The following ATP8B4 variants were observed in gnomAD, a reference collection of about 807,000 sequenced individuals.
The protein encoded by ATP8B4 is ATPase phospholipid transporting 8B4 (putative).
ATP8B4 carries 133 observed loss-of-function variants against 145.6 expected under a neutral mutation model. That is an observed-to-expected ratio of 0.91 (90% CI 0.79 to 1.05). The LOEUF is 1.05. Among genes scored for constraint, ATP8B4 ranks in the 50% least tolerant of loss-of-function variants. The pLI, the probability that ATP8B4 is intolerant of heterozygous loss-of-function variation, is 0.00. For missense variants in ATP8B4, 1,458 were observed against 1,425.2 expected (o/e 1.02, Z -0.37); for synonymous variants, 507 against 492.9 (o/e 1.03, Z -0.38).
intron 23 of ATP8B4, among the ~76,000 whole-genome samples, chr15:49,886,811 A>AT (rs200775433): frequency 0.042 from 6,067 of 144,576 alleles, 170 homozygotes; most frequent in African/African-American, 0.075. Flanking sequence ...GCCACAAGCA[A>AT]TTTTTTTTTT....
chr15:49,937,055 A>G (rs2041800404), intron 14 of ATP8B4, among the ~76,000 whole-genome samples: 1 of 151,854 alleles, frequency 6.6e-6, no homozygotes, highest in South Asian at 2.1e-4. Context: ...TTTATAGTTT[A>G]TAACTGTTGG....
chr15:50,119,583 T>C (rs1448080127), upstream of ATP8B4: 1 of 152,126 alleles, frequency 6.6e-6, no homozygotes, highest in Non-Finnish European at 1.5e-5. Flanking sequence ...GCTTCCTCTG[T>C]GGGAATCAAG....
intron 3 of ATP8B4, among the ~76,000 whole-genome samples, chr15:50,067,144 T>C (rs1327549862): frequency 2.0e-5 from 3 of 152,096 alleles, no homozygotes; most frequent in Non-Finnish European, 4.4e-5. Context: ...CTCTCCTAGC[T>C]CAAAGTTTCT....
chr15:49,950,833 A>AT (rs1303164124), intron 14 of ATP8B4, among the ~76,000 whole-genome samples: 1 of 152,174 alleles, frequency 6.6e-6, no homozygotes. Flanking sequence ...TGATGTGGGC[A>AT]TTTAGTGCTA....
intron 2 of ATP8B4, among the ~76,000 whole-genome samples, chr15:50,076,236 G>A (rs928316564): frequency 1.3e-5 from 2 of 152,132 alleles, no homozygotes; most frequent in African/African-American, 4.8e-5. Flanking sequence ...GCTCACGCCT[G>A]TAATCCCAGC....
chr15:49,987,378 T>G lies in ATP8B4; in HGVS notation c.748+13A>C. 1 of 1,612,322 alleles carries G rather than the reference T, an allele frequency of 6.2e-7. No homozygotes were observed. Among genetic ancestry groups the G allele is most frequent in the Non-Finnish European group, 8.5e-7 (1 of 1,178,968 alleles). On this transcript the variant is annotated intron_variant, in intron 10 of 27. Transcript: ENST00000284509. ...AGGTTCCCACAGAGCTGGCCTTGGG[T>G]CACATGCTGTACCTGCAAAAATAAC...
rs983670947 is a variant in ATP8B4 at position 49,909,556 on chromosome 15, C to T, written c.2141+7378G>A. Among the ~76,000 whole-genome samples, 8 of 152,028 alleles carry T rather than the reference C, an allele frequency of 5.3e-5. No homozygotes were observed. In the South Asian group the frequency reaches 1.7e-3, roughly 32 times the overall value. On this transcript the variant is annotated intron_variant, in intron 20 of 27. Transcript: ENST00000284509. Reference sequence around the variant, plus strand: ...ACTAATGCCAGTGCCAAATGTGCTACCCTTGGACCCAAAGACAGGCAGGCT... The same window carrying T: ...ACTAATGCCAGTGCCAAATGTGCTATCCTTGGACCCAAAGACAGGCAGGCT...
intron 2 of ATP8B4, among the ~76,000 whole-genome samples, chr15:50,092,235 T>A (rs73400867): frequency 0.027 from 4,092 of 152,224 alleles, 180 homozygotes; most frequent in African/African-American, 0.095. Context: ...CGGTCCCTGA[T>A]TGGATCAAGA....
intron 13 of ATP8B4, 116 bp downstream of exon 13, chr15:49,972,466 C>A: frequency 1.1e-6 from 1 of 909,076 alleles, no homozygotes; most frequent in Non-Finnish European, 1.6e-6. Flanking sequence ...CTGACGGTGC[C>A]CATATTAATA....
At chr15:49,950,600 AAAC>A (rs1197633275) in intron 14 of ATP8B4, among the ~76,000 whole-genome samples, 5 of 87,234 alleles carry the variant, frequency 5.7e-5, no homozygotes, top group Middle Eastern at 4.9e-3. Flanking sequence ...TAAAAAAAAA[AAAC>A]AAACAAACAA....
At chr15:50,124,126 T>A (rs1347495145), upstream of ATP8B4, among the ~76,000 whole-genome samples, 1 of 152,126 alleles carries the variant, frequency 6.6e-6, no homozygotes, top group African/African-American at 2.4e-5. Context: ...AAGTAACATA[T>A]GCCCTCATAG....
In ATP8B4 at chr15:49,859,392, G is replaced by A. The variant is rs1373498348; in HGVS notation, c.*802C>T. The A allele has an allele frequency of 6.6e-6, 1 of 152,160 alleles. No individual in the cohort carries two copies. Among genetic ancestry groups the A allele is most frequent in the Non-Finnish European group, 1.5e-5 (1 of 68,032 alleles). The allele number at this position is 152,160 out of a possible 1,614,324, so 9.4% of individuals were successfully genotyped here. ...CTTTGCTGATTCTATTAATGGTCTG[G>A]ATGATGCTCAGCAAATTACTACTGA... On this transcript the variant is annotated 3_prime_UTR_variant, in exon 28 of 28. Coordinates refer to ENST00000284509, the MANE Select transcript of ATP8B4 (RefSeq NM_024837.4).
chr15:49,875,962 T>C (rs1489369421), intron 25 of ATP8B4, among the ~76,000 whole-genome samples: 4 of 152,212 alleles, frequency 2.6e-5, no homozygotes, highest in African/African-American at 9.6e-5. Context: ...CCTTCTGTTA[T>C]TGGAATTTTT....
At chr15:50,135,694 C>T (rs775931059) in intron 1 of ATP8B4, among the ~76,000 whole-genome samples, 1 of 152,182 alleles carries the variant, frequency 6.6e-6, no homozygotes, top group Non-Finnish European at 1.5e-5. Flanking sequence ...GACATATTTT[C>T]ACCAGTCATA....
At position 49,981,203 on chromosome 15, in the gene ATP8B4, T is replaced by C. The variant is rs2046122760; in HGVS notation, c.837+3A>G. On this transcript the variant is annotated splice_donor_region_variant and intron_variant, in intron 11 of 27. Coordinates refer to ENST00000284509, the MANE Select transcript of ATP8B4 (RefSeq NM_024837.4). ...AGTGATATTGCCTAGTTTTGTAACT[T>C]ACCCATAGTACTAGAGTATTCATCA... 2 of 1,577,148 alleles carry C rather than the reference T, an allele frequency of 1.3e-6. No homozygotes were observed. The highest frequency in any genetic ancestry group is 2.2e-5 in the South Asian group (2 of 89,442).
rs539028496 is a variant in ATP8B4, at chr15:49,940,247, C to T, written c.1288-6065G>A. On this transcript the variant is annotated intron_variant, in intron 14 of 27. Transcript: ENST00000284509. ...AGAATGAAATCATGCCCTTTGTAGCCACATGGATGCAGCTGGAGGCCATTA... is the reference window on the plus strand; with the variant it reads ...AGAATGAAATCATGCCCTTTGTAGCTACATGGATGCAGCTGGAGGCCATTA... Among the ~76,000 whole-genome samples, 7 of 152,202 alleles carry T rather than the reference C, an allele frequency of 4.6e-5. No individual in the cohort carries two copies. In the East Asian group the frequency reaches 1.4e-3, roughly 29 times the overall value.
At chr15:49,920,673 C>G (rs2040179001) in intron 17 of ATP8B4, among the ~76,000 whole-genome samples, 1 of 152,176 alleles carries the variant, frequency 6.6e-6, no homozygotes, top group Non-Finnish European at 1.5e-5. Flanking sequence ...GCTGAAGTGT[C>G]CTAGTTGAGA....
chr15:50,113,337 A>G (rs1158047342), intron 1 of ATP8B4: 1 of 152,256 alleles, frequency 6.6e-6, no homozygotes, highest in Non-Finnish European at 1.5e-5. Flanking sequence ...AGAAAAAGGA[A>G]CAAGCCCAGG....
chr15:50,165,922 T>C (rs1159299373), intron 1 of ATP8B4, among the ~76,000 whole-genome samples: 1 of 150,480 alleles, frequency 6.6e-6, no homozygotes, highest in East Asian at 1.9e-4. Context: ...TTTCCAAAGA[T>C]ATAAAAGATA....
Sources: allele counts gnomAD v4.1 joint callset (sites outside exome capture counted in the v4.1 genomes callset), GRCh38; gene constraint gnomAD v4.1.1; transcripts MANE v1.5; gene names NCBI Gene and HGNC (gene_info 2026-07-23, HGNC 2026-07-21).